DYRK1A: variants seen among roughly 807,000 people sequenced by gnomAD.
DYRK1A encodes the protein dual specificity tyrosine-phosphorylation-regulated kinase 1A.
Under a neutral mutation model 79.7 loss-of-function variants are expected in DYRK1A, and 9 were observed. The observed-to-expected ratio is 0.11, with a 90% CI of 0.07 to 0.20. The LOEUF (loss-of-function observed/expected upper bound fraction) is 0.20. Ranked by LOEUF, DYRK1A falls within the 10% of genes least tolerant of loss-of-function variation. The probability of loss-of-function intolerance (pLI) is 1.00; values close to 1 mark genes in which losing one functional copy is unlikely to be tolerated. For synonymous variants in DYRK1A, 349 were observed against 329.7 expected (o/e 1.06, Z -0.63); for missense variants, 622 against 956.0 (o/e 0.65, Z 4.61).
intron 1 of DYRK1A, among the ~76,000 whole-genome samples, chr21:37,399,930 A>G (rs921032044): frequency 3.3e-5 from 5 of 152,232 alleles, no homozygotes; most frequent in African/African-American, 1.2e-4. Context: ...TACTTGTATT[A>G]GTTCCCTGTG....
chr21:37,479,612 G>T (rs144601386), intron 4 of DYRK1A, among the ~76,000 whole-genome samples: 2,663 of 46,760 alleles, frequency 0.057, 399 homozygotes, highest in East Asian at 0.26. Flanking sequence ...TTTTGTTTTT[G>T]TTTTTTGTTT....
chr21:37,432,333 T>C (rs2050798059), intron 2 of DYRK1A, among the ~76,000 whole-genome samples: 1 of 152,162 alleles, frequency 6.6e-6, no homozygotes, highest in Non-Finnish European at 1.5e-5. Context: ...TACCAGTTTA[T>C]CTTCTAGCTT....
intron 2 of DYRK1A, among the ~76,000 whole-genome samples, chr21:37,451,719 T>C (rs2051459431): frequency 6.6e-6 from 1 of 152,188 alleles, no homozygotes; most frequent in South Asian, 2.1e-4. Context: ...TACTCAGTGA[T>C]GTTCTCACAA....
intron 3 of DYRK1A, 48 bp downstream of exon 3, chr21:37,472,928 C>T (rs1212727602): frequency 7.4e-7 from 1 of 1,355,102 alleles, no homozygotes; most frequent in Non-Finnish European, 9.7e-7. Flanking sequence ...GCAGTTTATT[C>T]CTTAAAAATG....
chr21:37,397,631 T>C (rs2049980168), intron 1 of DYRK1A, among the ~76,000 whole-genome samples: 1 of 152,174 alleles, frequency 6.6e-6, no homozygotes, highest in Admixed American at 6.5e-5. Flanking sequence ...CCTCTTGGGC[T>C]CCAAATTCTT....
At position 37,519,399 on chromosome 21, in the gene DYRK1A, T is replaced by TA. The variant is rs1192830891; in HGVS notation, c.*6869dup. On this transcript the variant is annotated 3_prime_UTR_variant, in exon 12 of 12. Transcript: ENST00000647188. ...GTCCGCTTTGTACAATGGAGATACC[T>TA]ATAGTGTCCACTTAGGAGATGCTGT... 1 of 152,240 alleles carries TA rather than the reference T, an allele frequency of 6.6e-6. No individual in the cohort carries two copies. Among genetic ancestry groups the TA allele is most frequent in the Non-Finnish European group, 1.5e-5 (1 of 68,060 alleles). 9.4% of individuals were successfully genotyped at this position (152,240 alleles called of 1,614,324 possible). A position where few individuals can be genotyped will look rare whatever the true frequency, so the allele number is the denominator to read the frequency against.
chr21:37,375,708 G>A (rs2049525571), intron 1 of DYRK1A, among the ~76,000 whole-genome samples: 1 of 151,672 alleles, frequency 6.6e-6, no homozygotes, highest in Non-Finnish European at 1.5e-5. Flanking sequence ...GTTATTTTTA[G>A]TAGAGACGGG....
intron 7 of DYRK1A, among the ~76,000 whole-genome samples, chr21:37,492,157 TTTAAA>T: frequency 6.6e-6 from 1 of 152,196 alleles, no homozygotes; most frequent in Non-Finnish European, 1.5e-5. Context: ...TCCCAGTTCT[TTTAAA>T]TTAGACTTTC....
At chr21:37,417,529 C>CTTTTTCTTTTTCTTTTTCTTTTTCTTT (rs1555959239) in intron 1 of DYRK1A, among the ~76,000 whole-genome samples, 1 of 44,068 alleles carries the variant, frequency 2.3e-5, no homozygotes, top group Admixed American at 3.2e-4. Context: ...TTTTCTTTTT[C>CTTTTTCTTTTTCTTTTTCTTTTTCTTT]TTTTTTTTTT....
chr21:37,370,505 G>A (rs2049409023), intron 1 of DYRK1A, among the ~76,000 whole-genome samples: 1 of 152,096 alleles, frequency 6.6e-6, no homozygotes, highest in Admixed American at 6.5e-5. Context: ...TGGTATTTGT[G>A]ATTAGGCGTG....
intron 2 of DYRK1A, among the ~76,000 whole-genome samples, chr21:37,469,915 G>A (rs2052163657): frequency 1.3e-5 from 2 of 152,194 alleles, no homozygotes; most frequent in African/African-American, 4.8e-5. Context: ...GGAGGCTGAG[G>A]CGGGTGGATC....
intron 2 of DYRK1A, among the ~76,000 whole-genome samples, chr21:37,459,464 C>T (rs1400414279): frequency 6.6e-6 from 1 of 151,990 alleles, no homozygotes; most frequent in African/African-American, 2.4e-5. Context: ...CCTGGATGCC[C>T]GATGGAGTAA....
intron 5 of DYRK1A, among the ~76,000 whole-genome samples, chr21:37,482,768 C>T (rs763177436): frequency 1.7e-4 from 26 of 152,054 alleles, no homozygotes; most frequent in Non-Finnish European, 5.9e-5. Flanking sequence ...ACGGCCACAC[C>T]CAAGGGGGCC....
At chr21:37,404,950 T>C (rs1406310990) in intron 1 of DYRK1A, among the ~76,000 whole-genome samples, 1 of 152,152 alleles carries the variant, frequency 6.6e-6, no homozygotes, top group East Asian at 1.9e-4. Flanking sequence ...AATGGTTCAG[T>C]ATAAGCAAGT....
chr21:37,461,548 A>G (rs1284478948), intron 2 of DYRK1A, among the ~76,000 whole-genome samples: 1 of 152,144 alleles, frequency 6.6e-6, no homozygotes, highest in Non-Finnish European at 1.5e-5. Context: ...TTGTGTGAAC[A>G]TTTTTTGAGG....
chr21:37,448,890 G>C (rs1396900342), intron 2 of DYRK1A, among the ~76,000 whole-genome samples: 1 of 152,070 alleles, frequency 6.6e-6, no homozygotes, highest in Non-Finnish European at 1.5e-5. Flanking sequence ...TGGAGATGAG[G>C]TTTCGCTATG....
At chr21:37,411,664 T>C in intron 1 of DYRK1A, among the ~76,000 whole-genome samples, 1 of 152,166 alleles carries the variant, frequency 6.6e-6, no homozygotes, top group East Asian at 1.9e-4. Context: ...ATAGAATGTC[T>C]ATTGGTTGAG....
At chr21:37,373,788 T>TC (rs2049481450) in intron 1 of DYRK1A, among the ~76,000 whole-genome samples, 1 of 152,212 alleles carries the variant, frequency 6.6e-6, no homozygotes, top group Admixed American at 6.5e-5. Flanking sequence ...ATATGTGGTC[T>TC]TTGATAGGTG....
chr21:37,373,726 TA>T (rs2049480314), intron 1 of DYRK1A, among the ~76,000 whole-genome samples: 1 of 152,216 alleles, frequency 6.6e-6, no homozygotes, highest in Non-Finnish European at 1.5e-5. Context: ...CTTCATACCC[TA>T]TTGGTCATAA....
Sources: gnomAD v4.1 joint callset for allele counts (sites outside exome capture counted in the v4.1 genomes callset) on GRCh38, gnomAD v4.1.1 for gene constraint, MANE v1.5 for transcripts, NCBI Gene and HGNC (gene_info 2026-07-23, HGNC 2026-07-21) for gene names.